Variants in LCK observed in about 807,000 individuals in gnomAD.
The protein encoded by LCK is LCK proto-oncogene, Src family tyrosine kinase, also known as tyrosine-protein kinase Lck.
In LCK, 14 loss-of-function variants were observed where a neutral mutation model predicts 64.6. The observed-to-expected ratio is 0.22, with a 90% CI of 0.14 to 0.34. The LOEUF is 0.34. Ranked by LOEUF, LCK falls within the 10% of genes least tolerant of loss-of-function variation. The pLI is 1.00. For missense variants in LCK, 434 were observed against 668.1 expected, an observed-to-expected ratio of 0.65 and a Z score of 3.86; for synonymous variants, 277 against 263.6, an observed-to-expected ratio of 1.05 and a Z score of -0.49.
At chr1:32,266,336 C>CAA (rs1206376581) in intron 1 of LCK, among the ~76,000 whole-genome samples, 2 of 129,942 alleles carry the variant, frequency 1.5e-5, no homozygotes, top group Non-Finnish European at 3.3e-5. Flanking sequence ...ACTAAAAATA[C>CAA]AAAAAAAAAA....
intron 1 of LCK, among the ~76,000 whole-genome samples, chr1:32,262,145 A>G (rs1639792392): frequency 7.0e-6 from 1 of 142,704 alleles, no homozygotes; most frequent in African/African-American, 2.6e-5. Flanking sequence ...CGGCCTCCCA[A>G]AGTGCTGGGG....
intron 1 of LCK, among the ~76,000 whole-genome samples, chr1:32,253,222 G>T (rs759109809): frequency 2.6e-5 from 4 of 152,096 alleles, no homozygotes; most frequent in Admixed American, 2.6e-4. Flanking sequence ...AAAATTAGCC[G>T]AGCGTGGTGG....
chr1:32,274,256 C>T, intron 1 of LCK, 69 bp from the exon 2 acceptor site: 1 of 1,611,890 alleles, frequency 6.2e-7, no homozygotes, highest in Non-Finnish European at 8.5e-7. Context: ...GGGCAAGGCC[C>T]CATTATATCT....
rs944899533 is a variant in LCK, at chr1:32,275,503, G to C, written c.378-66G>C. 1.3e-6 allele frequency: 2 copies of C among 1,560,522 alleles called. No individual in the cohort carries two copies. Among genetic ancestry groups the C allele is most frequent in the Admixed American group, 3.7e-5 (2 of 54,090 alleles). ...GAGTAGGCCTGGGGTGGCGGTGAAG[G>C]CTTGAGGGCCACGGAGGAAGATCCG... On this transcript the variant is annotated intron_variant, in intron 5 of 12. Coordinates refer to ENST00000336890, the MANE Select transcript of LCK (RefSeq NM_005356.5). This position sits in a 1 kb window ranked among gnomAD's most constrained non-coding sequence, Gnocchi z 6.9.
Position 32,275,992 on chromosome 1 carries a change from A to G in LCK, c.560A>G (p.Asp187Gly), listed in dbSNP as rs767406314. The change falls in exon 7 of 13, where the codon GAC becomes GGC. Residue 187 changes from aspartate to glycine, a missense_variant. Asp to Gly is a moderately conservative substitution (Grantham distance 94). Transcript: ENST00000336890. The surrounding 1 kb of genome is among the most constrained non-coding windows in gnomAD (Gnocchi z 6.9). ...AAACATTACAAGATCCGTAATCTGG[A>G]CAACGGTGGCTTCTACATCTCCCCT... ...VVKHYKIRNL[D>G]NGGFYISPRI... is the part of the protein sequence containing the mutation. The G allele has an allele frequency of 1.3e-5, 21 of 1,614,034 alleles. No individual in the cohort carries two copies. The highest frequency in any genetic ancestry group is 4.4e-5 in the South Asian group (4 of 91,090).
intron 1 of LCK, among the ~76,000 whole-genome samples, chr1:32,270,990 C>A (rs1213385795): frequency 6.7e-6 from 1 of 149,600 alleles, no homozygotes; most frequent in Non-Finnish European, 1.5e-5. Flanking sequence ...GTGTGAGCCA[C>A]CGCGCCTGGC....
chr1:32,265,256 A>G (rs558577322), intron 1 of LCK, among the ~76,000 whole-genome samples: 19 of 152,364 alleles, frequency 1.2e-4, no homozygotes, highest in Non-Finnish European at 2.4e-4. Context: ...ATTTGTCAAA[A>G]CAAGAAACAA....
rs1039733173 is a variant in LCK at position 32,276,889 on chromosome 1, G to C, written c.964+103G>C. The C allele has an allele frequency of 1.1e-5, 14 of 1,264,666 alleles. No individual in the cohort carries two copies. The African/African-American group carries it at 2.0e-4, about 18-fold the overall frequency. 78.3% of individuals were successfully genotyped at this position (1,264,666 alleles called of 1,614,324 possible). A position where few individuals can be genotyped will look rare whatever the true frequency, so the allele number is the denominator to read the frequency against. ...TCTTCTGGCCCAAAGCTCAAGCAAG[G>C]AGGGTTTCTTGAGCTTTCCTGCCCC... On this transcript the variant is annotated intron_variant, in intron 9 of 12. Transcript: ENST00000336890. The surrounding 1 kb of genome is among the most constrained non-coding windows in gnomAD (Gnocchi z 4.6).
At chr1:32,265,434 C>G (rs191524487) in intron 1 of LCK, among the ~76,000 whole-genome samples, 233 of 152,312 alleles carry the variant, frequency 1.5e-3, no homozygotes, top group African/African-American at 5.4e-3. Flanking sequence ...TGCTGCCAGG[C>G]CCTATCCTCC....
At position 32,276,732 on chromosome 1, in the gene LCK, T is replaced by C; in HGVS notation, c.910T>C (p.Tyr304His). Reference protein sequence around the residue: ...QLQHQRLVRLYAVVTQEPIYI... With the variant: ...QLQHQRLVRLHAVVTQEPIYI... ...GCAACACCAGCGGCTGGTTCGGCTC[T>C]ACGCTGTGGTCACCCAGGAGCCCAT... The change falls in exon 9 of 13, where the codon TAC (tyrosine) becomes CAC (histidine). Residue 304 changes from tyrosine (Y) to histidine (H), a missense_variant. By Grantham distance (83) the Tyr-to-His change is moderately conservative. This residue lies in a region of LCK where 201 missense variants were observed against 376.9 expected (regional missense o/e 0.53). Coordinates refer to ENST00000336890, the MANE Select transcript of LCK (RefSeq NM_005356.5). The surrounding 1 kb of genome is among the most constrained non-coding windows in gnomAD (Gnocchi z 4.6). 2 of 1,613,894 alleles carry C rather than the reference T, an allele frequency of 1.2e-6. No individual in the cohort carries two copies. The highest frequency in any genetic ancestry group is 1.7e-6 in the Non-Finnish European group (2 of 1,179,920).
At chr1:32,285,433 C>T in intron 12 of LCK, 81 bp from the exon 13 acceptor site, 1 of 1,225,094 alleles carries the variant, frequency 8.2e-7, no homozygotes, top group African/African-American at 1.5e-5. Context: ...CACACTGTGC[C>T]AGTTAAATAT....
chr1:32,279,400 G>A (rs1640381355), intron 9 of LCK, among the ~76,000 whole-genome samples: 1 of 152,118 alleles, frequency 6.6e-6, no homozygotes, highest in Non-Finnish European at 1.5e-5. Context: ...ACCATGCCAA[G>A]CTTAGGATAC....
At chr1:32,253,677 C>T (rs1482044563) in intron 1 of LCK, among the ~76,000 whole-genome samples, 6 of 152,194 alleles carry the variant, frequency 3.9e-5, no homozygotes, top group Non-Finnish European at 7.3e-5. Context: ...TATGCCCACT[C>T]AGCACCTTGG....
intron 9 of LCK, chr1:32,279,456 C>T: frequency 1.4e-6 from 1 of 738,368 alleles, no homozygotes; most frequent in South Asian, 1.9e-5. Context: ...GAAAAACCTA[C>T]AGATCCCTCC....
chr1:32,272,336 C>A (rs1640099585), intron 1 of LCK, among the ~76,000 whole-genome samples: 2 of 151,884 alleles, frequency 1.3e-5, no homozygotes, highest in Non-Finnish European at 2.9e-5. Flanking sequence ...TGCCTATAAT[C>A]CTAGCATTTG....
rs1640252866 is a variant in LCK, at chr1:32,275,931, G to A, written c.499G>A (p.Val167Ile). Residue 167 changes from valine to isoleucine, a missense_variant, in exon 7 of 13, where the codon GTC (valine) becomes ATC (isoleucine). Physicochemically the swap from Val to Ile is conservative, Grantham distance 29. Around this residue, in one of 2 missense-constraint regions of LCK, gnomAD observed 233 missense variants for 291.2 expected, o/e 0.80. Transcript: ENST00000336890. The surrounding 1 kb of genome is among the most constrained non-coding windows in gnomAD (Gnocchi z 6.9). ...TCATTCAGGATCGTTTTCACTGTCG[G>A]TCCGGGACTTCGACCAGAACCAGGG... ...ESTAGSFSLS[V>I]RDFDQNQGEV... 6 of 1,614,154 alleles carry A rather than the reference G, an allele frequency of 3.7e-6. No homozygotes were observed. Among genetic ancestry groups the A allele is most frequent in the Non-Finnish European group, 4.2e-6 (5 of 1,180,020 alleles).
At chr1:32,258,455 G>T (rs1340986367) in intron 1 of LCK, among the ~76,000 whole-genome samples, 1 of 148,792 alleles carries the variant, frequency 6.7e-6, no homozygotes, top group Non-Finnish European at 1.5e-5. Flanking sequence ...GGGTGACAGA[G>T]TGAGATGTGA....
chr1:32,261,504 G>T (rs567261161), intron 1 of LCK, among the ~76,000 whole-genome samples: 3 of 150,684 alleles, frequency 2.0e-5, no homozygotes, highest in Admixed American at 1.3e-4. Context: ...AAATTAGCTG[G>T]GCCTGGTGGA....
chr1:32,273,340 G>A (rs1640163582), intron 1 of LCK, among the ~76,000 whole-genome samples: 2 of 149,576 alleles, frequency 1.3e-5, no homozygotes, highest in African/African-American at 4.9e-5. Flanking sequence ...GGGATAGGGG[G>A]TGCCTCTGTG....
Sources: gnomAD v4.1 joint callset for allele counts (sites outside exome capture counted in the v4.1 genomes callset) on GRCh38, gnomAD v4.1.1 for gene constraint, gnomAD v4.1.1 regional missense constraint, Gnocchi (gnomAD v3.1) non-coding constraint, MANE v1.5 for transcripts, NCBI Gene and HGNC (gene_info 2026-07-23, HGNC 2026-07-21) for gene names.